Variants in TMEM232 observed in about 807,000 individuals in gnomAD.
TMEM232 encodes the protein transmembrane protein 232.
A neutral mutation model predicts 78.8 loss-of-function variants in TMEM232; 80 were observed. The ratio of observed to expected loss-of-function variants is 1.01; its 90% CI spans 0.85 to 1.22. TMEM232 has a LOEUF of 1.22. Among genes scored for constraint, TMEM232 ranks in the 50% most tolerant of loss-of-function variants. The pLI is 0.00. For missense variants in TMEM232, 881 were observed against 742.2 expected, an observed-to-expected ratio of 1.19 and a Z score of -2.17; for synonymous variants, 297 against 254.3, an observed-to-expected ratio of 1.17 and a Z score of -1.60.
intron 12 of TMEM232, among the ~76,000 whole-genome samples, chr5:110,484,559 T>A (rs1475186689): frequency 6.6e-6 from 1 of 151,970 alleles, no homozygotes; most frequent in African/African-American, 2.4e-5. Context: ...ATATTCCCAA[T>A]ACATGCTATT....
intron 12 of TMEM232, among the ~76,000 whole-genome samples, chr5:110,488,398 GAATAA>G (rs1764689470): frequency 6.6e-6 from 1 of 151,746 alleles, no homozygotes; most frequent in African/African-American, 2.4e-5. Flanking sequence ...ACATACAACA[GAATAA>G]AATTAGAAAT....
chr5:110,723,198 G>T (rs571110996), intron 1 of TMEM232, among the ~76,000 whole-genome samples: 28 of 152,022 alleles, frequency 1.8e-4, no homozygotes, highest in Non-Finnish European at 4.0e-4. Context: ...ATAGTTATAG[G>T]TCTATTCAGA....
intron 1 of TMEM232, among the ~76,000 whole-genome samples, chr5:110,688,093 ATGTGTG>A (rs10528620): frequency 0.059 from 8,830 of 148,806 alleles, 357 homozygotes; most frequent in Non-Finnish European, 0.09. Context: ...CTCTGAGGGG[ATGTGTG>A]TGTGTGTGTG....
intron 5 of TMEM232, among the ~76,000 whole-genome samples, chr5:110,632,226 T>A (rs142173674): frequency 3.8e-4 from 58 of 151,244 alleles, no homozygotes; most frequent in African/African-American, 1.3e-3. Context: ...ACCAACACTA[T>A]GATACATTTT....
At chr5:110,583,764 G>A (rs1377031852) in intron 10 of TMEM232, among the ~76,000 whole-genome samples, 1 of 151,524 alleles carries the variant, frequency 6.6e-6, no homozygotes, top group Non-Finnish European at 1.5e-5. Context: ...TTGAAAATAA[G>A]AAACTCTTAA....
At chr5:110,432,723 T>G (rs1360433325) in intron 12 of TMEM232, among the ~76,000 whole-genome samples, 2 of 151,782 alleles carry the variant, frequency 1.3e-5, no homozygotes, top group African/African-American at 4.8e-5. Context: ...ATTCTTCTGC[T>G]GTCTTTAAGA....
Position 110,605,776 on chromosome 5 carries a change from TCA to T in TMEM232, c.1026+386_1026+387del, listed in dbSNP as rs1329587628. ...TGTCCCAAAAACTCTGAAAGAAACTTCACAGTCTTTCACTTGGTAATTTAATT... is the reference window on the plus strand; with the variant it reads ...TGTCCCAAAAACTCTGAAAGAAACTTCAGTCTTTCACTTGGTAATTTAATT... On this transcript the variant is annotated intron_variant, in intron 9 of 13. Transcript: ENST00000455884. Among the ~76,000 whole-genome samples, 8 of 152,204 alleles carry T rather than the reference TCA, an allele frequency of 5.3e-5. No individual in the cohort carries two copies. In the East Asian group the frequency reaches 1.4e-3, roughly 26 times the overall value.
chr5:110,491,898 TAG>T (rs1274712717), intron 12 of TMEM232, among the ~76,000 whole-genome samples: 1 of 151,764 alleles, frequency 6.6e-6, no homozygotes, highest in Non-Finnish European at 1.5e-5. Flanking sequence ...AAATTATAAA[TAG>T]AGATTACTAT....
chr5:110,556,267 C>G (rs747572743), intron 11 of TMEM232, among the ~76,000 whole-genome samples: 1 of 151,970 alleles, frequency 6.6e-6, no homozygotes, highest in Non-Finnish European at 1.5e-5. Flanking sequence ...ATATGAAACT[C>G]TTGGTTGGAA....
At chr5:110,575,160 AATG>A (rs1475549378) in intron 10 of TMEM232, among the ~76,000 whole-genome samples, 22 of 152,152 alleles carry the variant, frequency 1.4e-4, no homozygotes, top group Admixed American at 5.9e-4. Context: ...AAATAATGAT[AATG>A]ATGATATATG....
intron 7 of TMEM232, 81 bp downstream of exon 7, chr5:110,625,186 G>T: frequency 1.5e-6 from 2 of 1,346,084 alleles, no homozygotes; most frequent in South Asian, 3.6e-5. Flanking sequence ...CTACTGTATT[G>T]ATAAGCACCA....
rs187350020 is a variant in TMEM232 at position 110,641,235 on chromosome 5, T to G, written c.238-239A>C. 6.5e-4 allele frequency among the ~76,000 whole-genome samples: 99 copies of G among 152,250 alleles called. 1 individual carries two copies. The highest frequency in any genetic ancestry group is 2.3e-3 in the African/African-American group (96 of 41,556). On this transcript the variant is annotated intron_variant, in intron 3 of 13. Coordinates refer to ENST00000455884, the MANE Select transcript of TMEM232 (RefSeq NM_001039763.4). ...ATTACAAGTAATATCATTAGCTATTTGCTGAAAATAATTCTCATTTTTTAC... is the reference window on the plus strand; with the variant it reads ...ATTACAAGTAATATCATTAGCTATTGGCTGAAAATAATTCTCATTTTTTAC...
chr5:110,405,375 A>C (rs1755748567), intron 2 of TMEM232, among the ~76,000 whole-genome samples: 1 of 152,086 alleles, frequency 6.6e-6, no homozygotes, highest in Non-Finnish European at 1.5e-5. Context: ...TCATAATACA[A>C]TAAAAGATTA....
At chr5:110,702,260 AG>A (rs1244432361) in intron 1 of TMEM232, among the ~76,000 whole-genome samples, 2 of 152,016 alleles carry the variant, frequency 1.3e-5, no homozygotes, top group Non-Finnish European at 2.9e-5. Context: ...CAGCATGCTG[AG>A]GGTTCTAACC....
intron 2 of TMEM232, among the ~76,000 whole-genome samples, chr5:110,651,915 C>T (rs1788365861): frequency 6.6e-6 from 1 of 152,044 alleles, no homozygotes; most frequent in Admixed American, 6.6e-5. Flanking sequence ...CCTTATATTC[C>T]CTGATGTAAC....
chr5:110,589,854 A>G (rs1779295277), intron 10 of TMEM232, among the ~76,000 whole-genome samples: 1 of 152,180 alleles, frequency 6.6e-6, no homozygotes, highest in Admixed American at 6.6e-5. Flanking sequence ...GGTATCAAGC[A>G]AAAATTCTGT....
At chr5:110,470,985 T>C (rs759781370) in intron 12 of TMEM232, among the ~76,000 whole-genome samples, 10 of 152,110 alleles carry the variant, frequency 6.6e-5, no homozygotes, top group Admixed American at 1.3e-4. Context: ...GATAGACAAT[T>C]TGGTTAAACC....
chr5:110,564,499 C>T (rs1381605497), intron 11 of TMEM232, among the ~76,000 whole-genome samples: 1 of 151,828 alleles, frequency 6.6e-6, no homozygotes, highest in Non-Finnish European at 1.5e-5. Flanking sequence ...TTAGTATTGG[C>T]AAGTGCAGAT....
intron 12 of TMEM232, among the ~76,000 whole-genome samples, chr5:110,499,153 CA>C (rs1386962461): frequency 6.6e-6 from 1 of 151,996 alleles, no homozygotes; most frequent in Non-Finnish European, 1.5e-5. Context: ...GGAGAAAGAG[CA>C]GGGGATGAAG....
Sources: allele counts gnomAD v4.1 joint callset (sites outside exome capture counted in the v4.1 genomes callset), GRCh38; gene constraint gnomAD v4.1.1; transcripts MANE v1.5; gene names NCBI Gene and HGNC (gene_info 2026-07-23, HGNC 2026-07-21).